CARMIL2: variants seen among roughly 807,000 people sequenced by gnomAD.
CARMIL2 encodes capping protein, Arp2/3 and myosin-I linker protein 2.
A neutral mutation model predicts 173.3 loss-of-function variants in CARMIL2; 96 were observed. That is an observed-to-expected ratio of 0.55 (90% CI 0.47 to 0.66). The LOEUF is 0.66. Among genes scored for constraint, CARMIL2 ranks in the 30% least tolerant of loss-of-function variants. The pLI, the probability that CARMIL2 is intolerant of heterozygous loss-of-function variation, is 0.00. For synonymous variants in CARMIL2, 830 were observed against 817.1 expected (o/e 1.02, Z -0.27); for missense variants, 1,771 against 1,906.7 (o/e 0.93, Z 1.33).
In CARMIL2 at chr16:67,649,425, A is replaced by G. The variant is rs1167862912; in HGVS notation, c.1747-22A>G. The stretch of plus-strand genomic sequence containing the variant: ...TCACTGACCCCTGACTCCAGCCATC[A>G]ATGGCTTTCTCTTAACCCCAGCCTC... On this transcript the variant is annotated intron_variant, in intron 19 of 37. Transcript: ENST00000334583. This position sits in a 1 kb window ranked among gnomAD's most constrained non-coding sequence, Gnocchi z 6.7. 6.2e-7 allele frequency: 1 copy of G among 1,611,688 alleles called. No homozygotes were observed. The highest frequency in any genetic ancestry group is 1.1e-5 in the South Asian group (1 of 91,076).
Position 67,645,782 on chromosome 16 carries a change from G to A in CARMIL2, c.186+5G>A. The A allele has an allele frequency of 6.2e-7, 1 of 1,611,582 alleles. No individual in the cohort carries two copies. Among genetic ancestry groups the A allele is most frequent in the Admixed American group, 1.7e-5 (1 of 60,032 alleles). On this transcript the variant is annotated splice_donor_5th_base_variant and intron_variant, in intron 3 of 37. Transcript: ENST00000334583. ...ACCACCTGCCTCCCGCTGAGGGTGA[G>A]TCCCAGGGCCTGGCCACACCCCCGC...
Position 67,649,879 on chromosome 16 carries a change from C to T in CARMIL2, c.1993C>T (p.His665Tyr), listed in dbSNP as rs2142927162. 2 of 1,612,990 alleles carry T rather than the reference C, an allele frequency of 1.2e-6. No homozygotes were observed. The highest frequency in any genetic ancestry group is 1.7e-6 in the Non-Finnish European group (2 of 1,179,862). Residue 665 changes from histidine to tyrosine, a missense_variant, in exon 21 of 38, where the codon CAC becomes TAC. Physicochemically the swap from His to Tyr is moderately conservative, Grantham distance 83 (BLOSUM62 2). This residue lies in a region of CARMIL2 where 944 missense variants were observed against 975.6 expected (regional missense o/e 0.97). Transcript: ENST00000334583. This position sits in a 1 kb window ranked among gnomAD's most constrained non-coding sequence, Gnocchi z 6.7. ...CGTGGCGCAGGCGCTGGAGCAGAAC[C>T]ACAGCCTGAAGGCCATGCCTCTGCC... is the stretch of plus-strand genomic sequence containing the variant. Reference protein sequence around the residue: ...LDVAQALEQNHSLKAMPLPLN... With the variant: ...LDVAQALEQNYSLKAMPLPLN...
intron 29 of CARMIL2, 27 bp from the exon 30 acceptor site, chr16:67,654,122 G>T: frequency 8.0e-7 from 1 of 1,254,672 alleles, no homozygotes; most frequent in Non-Finnish European, 1.1e-6. Context: ...ACTCAACCCT[G>T]ACCCCTGACC....
chr16:67,650,005 G>T (rs777355584), intron 21 of CARMIL2, 37 bp downstream of exon 21: 3 of 1,613,448 alleles, frequency 1.9e-6, no homozygotes, highest in East Asian at 2.2e-5. Context: ...TTCTCTGCAC[G>T]GTAACTCCGT....
rs2142934344 is a variant in CARMIL2 at position 67,651,663 on chromosome 16, GC to G, written c.2428-21del. On this transcript the variant is annotated intron_variant, in intron 24 of 37. Coordinates refer to ENST00000334583, the MANE Select transcript of CARMIL2 (RefSeq NM_001013838.3). The surrounding 1 kb of genome is among the most constrained non-coding windows in gnomAD (Gnocchi z 4.2). The stretch of plus-strand genomic sequence containing the variant: ...TGGTGTCTGGCCACATCCTCACCAT[GC>G]TCTGACTGACCTTTGTCTAGGACTT... The G allele has an allele frequency of 6.2e-7, 1 of 1,602,244 alleles. No individual in the cohort carries two copies. The highest frequency in any genetic ancestry group is 1.1e-5 in the South Asian group (1 of 89,346).
At chr16:67,647,265 T>C (rs763548418) in intron 9 of CARMIL2, 34 bp from the exon 10 acceptor site, 27 of 1,610,454 alleles carry the variant, frequency 1.7e-5, no homozygotes, top group Non-Finnish European at 2.0e-5. Flanking sequence ...AGGGCCAGGG[T>C]GCAGCCCGTG....
Position 67,653,750 on chromosome 16 carries a change from C to G in CARMIL2, c.3121-399C>G, listed in dbSNP as rs1028306550. On this transcript the variant is annotated intron_variant, in intron 29 of 37. Coordinates refer to ENST00000334583, the MANE Select transcript of CARMIL2 (RefSeq NM_001013838.3). This position sits in a 1 kb window ranked among gnomAD's most constrained non-coding sequence, Gnocchi z 7.4. ...AGAGGGTCTGACGCAGCAGCCGGCG[C>G]CACTGAGCCGGCAGCAGGCCGGGTG... is the stretch of plus-strand genomic sequence containing the variant. Among the ~76,000 whole-genome samples, 2 of 151,948 alleles carry G rather than the reference C, an allele frequency of 1.3e-5. No individual in the cohort carries two copies. The highest frequency in any genetic ancestry group is 2.9e-5 in the Non-Finnish European group (2 of 67,918).
chr16:67,651,201 G>A lies in CARMIL2; in HGVS notation c.2199G>A (p.Leu733=), dbSNP rs2052714951. Residue 733 remains leucine, a synonymous_variant, in exon 23 of 38, where the codon TTG becomes TTA. Coordinates refer to ENST00000334583, the MANE Select transcript of CARMIL2 (RefSeq NM_001013838.3). The surrounding 1 kb of genome is among the most constrained non-coding windows in gnomAD (Gnocchi z 4.2). Reference sequence around the variant, plus strand: ...TTTCGCCCCAGGAAGTGAATGAATTGTGTCAGTCGGTGCAGGAGCATGTGG... The same window carrying A: ...TTTCGCCCCAGGAAGTGAATGAATTATGTCAGTCGGTGCAGGAGCATGTGG... ...SDPSEQEVNE[L]CQSVQEHVEL... 6.2e-7 allele frequency: 1 copy of A among 1,613,278 alleles called. No homozygotes were observed. The highest frequency in any genetic ancestry group is 8.5e-7 in the Non-Finnish European group (1 of 1,179,720).
rs529837227 is a variant in CARMIL2 at position 67,653,640 on chromosome 16, G to T, written c.3120+386G>T. Among the ~76,000 whole-genome samples the T allele has an allele frequency of 1.3e-5, 2 of 152,176 alleles. No individual in the cohort carries two copies. Among genetic ancestry groups the T allele is most frequent in the South Asian group, 2.1e-4 (1 of 4,838 alleles). ...TGCTGCGCGTCCGGCGGCGGCGCGTGTGGGGAGATGCGTGTGTGGGCTGCA... is the reference window on the plus strand; with the variant it reads ...TGCTGCGCGTCCGGCGGCGGCGCGTTTGGGGAGATGCGTGTGTGGGCTGCA... On this transcript the variant is annotated intron_variant, in intron 29 of 37. Transcript: ENST00000334583. The surrounding 1 kb of genome is among the most constrained non-coding windows in gnomAD (Gnocchi z 7.4).
chr16:67,646,188 C>T lies in CARMIL2; in HGVS notation c.252C>T (p.Val84=). The part of the protein sequence containing the change: ...AMALQETPPQ[V]TFELESLREL... Reference sequence around the variant, plus strand: ...GCCTAGTAGTGCCCCTTCCCTAGGTCACCTTTGAGCTGGAGTCCCTGCGTG... The same window carrying T: ...GCCTAGTAGTGCCCCTTCCCTAGGTTACCTTTGAGCTGGAGTCCCTGCGTG... The change falls in exon 5 of 38, where the codon GTC becomes GTT. Residue 84 remains valine (V), a splice_region_variant and synonymous_variant. Transcript: ENST00000334583. The surrounding 1 kb of genome is among the most constrained non-coding windows in gnomAD (Gnocchi z 4.6). 1 of 1,613,786 alleles carries T rather than the reference C, an allele frequency of 6.2e-7. No homozygotes were observed. Among genetic ancestry groups the T allele is most frequent in the East Asian group, 2.2e-5 (1 of 44,878 alleles).
At chr16:67,645,695 G>T in intron 2 of CARMIL2, 29 bp from the exon 3 acceptor site, 1 of 1,613,450 alleles carries the variant, frequency 6.2e-7, no homozygotes, top group Non-Finnish European at 8.5e-7. Context: ...CTCTTGCTCT[G>T]CCCAGGATAT....
chr16:67,652,153 C>A lies in CARMIL2; in HGVS notation c.2677-46C>A. ...TCCCCTTAGTTAGCATCAATGGGAT[C>A]ATGGCTGAGGCCCTACCTGCCATCT... On this transcript the variant is annotated intron_variant, in intron 26 of 37. Transcript: ENST00000334583. The surrounding 1 kb of genome is among the most constrained non-coding windows in gnomAD (Gnocchi z 4.7). The A allele has an allele frequency of 6.2e-7, 1 of 1,604,842 alleles. No individual in the cohort carries two copies. Among genetic ancestry groups the A allele is most frequent in the Non-Finnish European group, 8.5e-7 (1 of 1,176,132 alleles).
At position 67,649,178 on chromosome 16, in the gene CARMIL2, C is replaced by G. The variant is rs1313153984; in HGVS notation, c.1688+6C>G. The G allele has an allele frequency of 6.2e-7, 1 of 1,612,904 alleles. No homozygotes were observed. Among genetic ancestry groups the G allele is most frequent in the South Asian group, 1.1e-5 (1 of 90,980 alleles). On this transcript the variant is annotated splice_donor_region_variant and intron_variant, in intron 18 of 37. Transcript: ENST00000334583. The surrounding 1 kb of genome is among the most constrained non-coding windows in gnomAD (Gnocchi z 6.7). ...AACTTCAACGTCCGGTGCAAGTGAG[C>G]CCCCACCCTACTCCTGGGCCTCCCA...
rs1468658843 is a variant in CARMIL2, at chr16:67,647,782, G to A, written c.958+16G>A. On this transcript the variant is annotated intron_variant, in intron 12 of 37. Transcript: ENST00000334583. Reference sequence around the variant, plus strand: ...ACACCGCGAGGTAGGCTGGATGAGGGAGGGGGTGAGGGGAGGGGGGTGGGG... The same window carrying A: ...ACACCGCGAGGTAGGCTGGATGAGGAAGGGGGTGAGGGGAGGGGGGTGGGG... 8 of 1,354,722 alleles carry A rather than the reference G, an allele frequency of 5.9e-6. No individual in the cohort carries two copies. The highest frequency in any genetic ancestry group is 1.4e-5 in the African/African-American group (1 of 69,058). The allele number at this position is 1,354,722 out of a possible 1,614,324, so 83.9% of individuals were successfully genotyped here. A position where few individuals can be genotyped will look rare whatever the true frequency, so the allele number is the denominator to read the frequency against.
rs2052776832 is a variant in CARMIL2 at position 67,653,833 on chromosome 16, A to C, written c.3121-316A>C. On this transcript the variant is annotated intron_variant, in intron 29 of 37. Transcript: ENST00000334583. This position sits in a 1 kb window ranked among gnomAD's most constrained non-coding sequence, Gnocchi z 7.4. ...ACTGTTCGGAGCAGAGCTGGTGGCAAGTGGGAACGGGTGACCCCGGGGGCA... is the reference window on the plus strand; with the variant it reads ...ACTGTTCGGAGCAGAGCTGGTGGCACGTGGGAACGGGTGACCCCGGGGGCA... Among the ~76,000 whole-genome samples the C allele has an allele frequency of 2.0e-5, 3 of 151,956 alleles. 1 individual carries two copies. The highest frequency in any genetic ancestry group is 7.3e-5 in the African/African-American group (3 of 41,368).
chr16:67,654,111 C>T (rs1567634942), intron 29 of CARMIL2, 38 bp from the exon 30 acceptor site: 3 of 1,124,322 alleles, frequency 2.7e-6, no homozygotes, highest in Non-Finnish European at 3.8e-6. Context: ...GCCAGAGTTG[C>T]ACTCAACCCT....
Position 67,649,232 on chromosome 16 carries a change from C to T in CARMIL2, c.1689-22C>T. On this transcript the variant is annotated intron_variant, in intron 18 of 37. Transcript: ENST00000334583. This position sits in a 1 kb window ranked among gnomAD's most constrained non-coding sequence, Gnocchi z 6.7. ...AACACCCCACCACCCCTGTCCCCCA[C>T]AACTGCGGCCCCTGCCCACAGGGAG... 3.7e-6 allele frequency: 6 copies of T among 1,613,406 alleles called. No individual in the cohort carries two copies. Among genetic ancestry groups the T allele is most frequent in the Non-Finnish European group, 5.1e-6 (6 of 1,179,664 alleles).
Position 67,657,051 on chromosome 16 carries a change from A to C in CARMIL2, c.4117+170A>C. ...AAGGGTTTGACAGCAAGCCCTTCCA[A>C]CTAGCACTGGCTCCACTTCCCGAAG... is the stretch of plus-strand genomic sequence containing the variant. On this transcript the variant is annotated intron_variant, in intron 36 of 37. Transcript: ENST00000334583. The surrounding 1 kb of genome is among the most constrained non-coding windows in gnomAD (Gnocchi z 4.5). The C allele has an allele frequency of 1.3e-6, 1 of 757,368 alleles. No individual in the cohort carries two copies. Among genetic ancestry groups the C allele is most frequent in the Non-Finnish European group, 2.2e-6 (1 of 462,324 alleles). The allele number at this position is 757,368 out of a possible 1,614,324, so 46.9% of individuals were successfully genotyped here.
chr16:67,649,939 C>G lies in CARMIL2; in HGVS notation c.2053C>G (p.Pro685Ala), dbSNP rs747843907. The G allele has an allele frequency of 1.2e-6, 2 of 1,613,270 alleles. No individual in the cohort carries two copies. The highest frequency in any genetic ancestry group is 1.1e-5 in the South Asian group (1 of 91,068). ...NDVAQAQRSR[P>A]ELTARAVHQI... ...CGTGGCCCAGGCGCAGCGCAGCCGCCCGGAACTGACAGCACGTGCAGTCCA... is the reference window on the plus strand; with the variant it reads ...CGTGGCCCAGGCGCAGCGCAGCCGCGCGGAACTGACAGCACGTGCAGTCCA... The change falls in exon 21 of 38, where the codon CCG becomes GCG. Residue 685 changes from proline (P) to alanine (A), a missense_variant. By Grantham distance (27) the Pro-to-Ala change is conservative (BLOSUM62 -1). This residue lies in a region of CARMIL2 where 944 missense variants were observed against 975.6 expected (regional missense o/e 0.97). Transcript: ENST00000334583. This position sits in a 1 kb window ranked among gnomAD's most constrained non-coding sequence, Gnocchi z 6.7.
Sources: gnomAD v4.1 joint callset for allele counts (sites outside exome capture counted in the v4.1 genomes callset) on GRCh38, gnomAD v4.1.1 for gene constraint, gnomAD v4.1.1 regional missense constraint, Gnocchi (gnomAD v3.1) non-coding constraint, MANE v1.5 for transcripts, NCBI Gene and HGNC (gene_info 2026-07-23, HGNC 2026-07-21) for gene names.